Variants in RAPGEF2 observed in about 807,000 individuals in gnomAD.
RAPGEF2 encodes PDZ domain containing guanine nucleotide exchange factor (GEF) 1.
In RAPGEF2, 54 loss-of-function variants were observed where a neutral mutation model predicts 186.7. The ratio of observed to expected loss-of-function variants is 0.29; its 90% CI spans 0.23 to 0.36. RAPGEF2 has a LOEUF of 0.36. Among genes scored for constraint, RAPGEF2 ranks in the 10% least tolerant of loss-of-function variants. The probability of loss-of-function intolerance (pLI) is 1.00; values close to 1 mark genes in which losing one functional copy is unlikely to be tolerated. For missense variants in RAPGEF2, 1,532 were observed against 2,045.0 expected (o/e 0.75, Z 4.84); for synonymous variants, 712 against 705.9 (o/e 1.01, Z -0.14).
At chr4:159,224,533 T>C (rs1323463469) in intron 4 of RAPGEF2, among the ~76,000 whole-genome samples, 2 of 152,172 alleles carry the variant, frequency 1.3e-5, no homozygotes, top group Non-Finnish European at 2.9e-5. Flanking sequence ...AGTTATTAGA[T>C]TTGCCTGGCT....
intron 3 of RAPGEF2, among the ~76,000 whole-genome samples, chr4:159,204,138 TC>T (rs1280878228): frequency 6.6e-6 from 1 of 152,236 alleles, no homozygotes; most frequent in Non-Finnish European, 1.5e-5. Context: ...GATGCGCAGT[TC>T]CTGCCTTGAA....
At chr4:159,304,498 T>A in intron 8 of RAPGEF2, 25 bp downstream of exon 8, 1 of 1,576,460 alleles carries the variant, frequency 6.3e-7, no homozygotes, top group Non-Finnish European at 8.7e-7. Flanking sequence ...TCCTTGTCAT[T>A]TGCTTCATTT....
intron 4 of RAPGEF2, among the ~76,000 whole-genome samples, chr4:159,224,772 G>A (rs908643756): frequency 2.0e-5 from 3 of 152,168 alleles, no homozygotes; most frequent in Admixed American, 2.0e-4. Flanking sequence ...CCAGAGACAG[G>A]AACCTTATCT....
intron 1 of RAPGEF2, among the ~76,000 whole-genome samples, chr4:159,105,693 T>G (rs1737793208): frequency 6.6e-6 from 1 of 152,258 alleles, no homozygotes; most frequent in African/African-American, 2.4e-5. Context: ...CTCATCTATT[T>G]GTTTTAAAAT....
intron 1 of RAPGEF2, among the ~76,000 whole-genome samples, chr4:159,143,117 G>A (rs1400060262): frequency 6.6e-6 from 1 of 152,070 alleles, no homozygotes; most frequent in Non-Finnish European, 1.5e-5. Context: ...TGCACCTGTA[G>A]TCTCAATTAC....
intron 1 of RAPGEF2, among the ~76,000 whole-genome samples, chr4:159,172,031 A>T (rs1745960299): frequency 6.6e-6 from 1 of 152,158 alleles, no homozygotes; most frequent in South Asian, 2.1e-4. Flanking sequence ...GACATTATAA[A>T]AAAAAGGGAA....
At chr4:159,335,196 C>T (rs993182148) in intron 17 of RAPGEF2, among the ~76,000 whole-genome samples, 9 of 152,012 alleles carry the variant, frequency 5.9e-5, no homozygotes, top group African/African-American at 1.4e-4. Context: ...TAGGCACAAT[C>T]GGGTGATGTG....
intron 25 of RAPGEF2, among the ~76,000 whole-genome samples, chr4:159,348,424 CTG>C (rs1730711401): frequency 6.6e-6 from 1 of 152,164 alleles, no homozygotes; most frequent in Admixed American, 6.5e-5. Flanking sequence ...CTCACGTACT[CTG>C]TATCCTCACC....
chr4:159,209,306 T>G (rs1160186749), intron 3 of RAPGEF2, among the ~76,000 whole-genome samples: 2 of 151,720 alleles, frequency 1.3e-5, no homozygotes, highest in Non-Finnish European at 2.9e-5. Context: ...CTCATGAACT[T>G]AAAAAAGATG....
chr4:159,187,314 T>TC (rs1747660812), intron 2 of RAPGEF2, among the ~76,000 whole-genome samples: 3 of 152,062 alleles, frequency 2.0e-5, no homozygotes, highest in Non-Finnish European at 2.9e-5. Flanking sequence ...CCCTTTTTTT[T>TC]CTCTGTCTCT....
intron 1 of RAPGEF2, among the ~76,000 whole-genome samples, chr4:159,121,365 TTTTCC>T (rs1205231714): frequency 6.6e-6 from 1 of 151,788 alleles, no homozygotes; most frequent in Non-Finnish European, 1.5e-5. Context: ...CTTTTCTCTT[TTTTCC>T]TTTCCTTTCT....
intron 1 of RAPGEF2, among the ~76,000 whole-genome samples, chr4:159,108,428 G>GTT (rs1316917986): frequency 7.2e-6 from 1 of 139,676 alleles, no homozygotes; most frequent in East Asian, 2.1e-4. Flanking sequence ...GACCACCTTG[G>GTT]TTTTTCTCTC....
At chr4:159,153,084 A>T (rs892678864) in intron 1 of RAPGEF2, among the ~76,000 whole-genome samples, 17 of 152,126 alleles carry the variant, frequency 1.1e-4, no homozygotes, top group African/African-American at 3.9e-4. Context: ...TTACTATATT[A>T]TTTCAATAAT....
chr4:159,123,855 G>A (rs1236647241), intron 1 of RAPGEF2, among the ~76,000 whole-genome samples: 1 of 149,388 alleles, frequency 6.7e-6, no homozygotes, highest in African/African-American at 2.5e-5. Flanking sequence ...TGTTATTGTT[G>A]TATTGTTTTG....
At chr4:159,261,259 T>C (rs367874628) in intron 7 of RAPGEF2, among the ~76,000 whole-genome samples, 10 of 151,680 alleles carry the variant, frequency 6.6e-5, no homozygotes, top group African/African-American at 2.4e-4. Context: ...AGATGGGGTT[T>C]CACTGTGTTA....
intron 7 of RAPGEF2, among the ~76,000 whole-genome samples, chr4:159,268,792 T>C (rs1055757719): frequency 6.6e-6 from 1 of 152,190 alleles, no homozygotes; most frequent in Non-Finnish European, 1.5e-5. Context: ...TTTGTCATGC[T>C]GAAATCCCAT....
rs149723669 is a variant in RAPGEF2, at chr4:159,120,299, C to T, written c.69+16068C>T. Among the ~76,000 whole-genome samples, 54 of 151,750 alleles carry T rather than the reference C, an allele frequency of 3.6e-4. No individual in the cohort carries two copies. In the East Asian group the frequency reaches 7.3e-3, roughly 21 times the overall value. ...CCTCCCAAAGTTCTAGGATTACAGGCGTGAGCCATTGCACCCAGCCAAATC... is the reference window on the plus strand; with the variant it reads ...CCTCCCAAAGTTCTAGGATTACAGGTGTGAGCCATTGCACCCAGCCAAATC... On this transcript the variant is annotated intron_variant, in intron 1 of 29. Transcript: ENST00000691494.
chr4:159,300,022 C>T (rs1448655303), intron 7 of RAPGEF2, among the ~76,000 whole-genome samples: 1 of 151,650 alleles, frequency 6.6e-6, no homozygotes, highest in Admixed American at 6.6e-5. Flanking sequence ...TTATTCAGTC[C>T]ACACAACACA....
chr4:159,161,934 A>G (rs1289333349), intron 1 of RAPGEF2, among the ~76,000 whole-genome samples: 1 of 152,224 alleles, frequency 6.6e-6, no homozygotes. Context: ...ATTATCTTCC[A>G]AATCTATTCT....
Sources: gnomAD v4.1 joint callset for allele counts (sites outside exome capture counted in the v4.1 genomes callset) on GRCh38, gnomAD v4.1.1 for gene constraint, MANE v1.5 for transcripts, NCBI Gene and HGNC (gene_info 2026-07-23, HGNC 2026-07-21) for gene names.